Variants in CLSTN2 observed in about 807,000 individuals in gnomAD.
CLSTN2 encodes calsyntenin 2, also known as calsyntenin-2.
CLSTN2 carries 48 observed loss-of-function variants against 101.2 expected under a neutral mutation model. That is an observed-to-expected ratio of 0.47 (90% CI 0.38 to 0.60). CLSTN2 has a LOEUF of 0.60. CLSTN2 is among the 20% of genes least tolerant of loss of function. CLSTN2 has a pLI of 0.00. For missense variants in CLSTN2, 1,160 were observed against 1,238.2 expected (o/e 0.94, Z 0.95); for synonymous variants, 481 against 463.6 (o/e 1.04, Z -0.48).
intron 1 of CLSTN2, among the ~76,000 whole-genome samples, chr3:140,059,514 G>T (rs1440876799): frequency 2.6e-5 from 4 of 152,112 alleles, no homozygotes; most frequent in Non-Finnish European, 5.9e-5. Flanking sequence ...GGGTTCTGGG[G>T]GGCCATCAGA....
chr3:140,545,438 C>T (rs1287554686), intron 9 of CLSTN2, among the ~76,000 whole-genome samples: 3 of 152,006 alleles, frequency 2.0e-5, no homozygotes, highest in Non-Finnish European at 4.4e-5. Context: ...AGAAGTGTGC[C>T]CTAGGAGCAA....
At chr3:140,136,089 T>A (rs1382584362) in intron 1 of CLSTN2, among the ~76,000 whole-genome samples, 4 of 152,202 alleles carry the variant, frequency 2.6e-5, no homozygotes, top group African/African-American at 9.6e-5. Context: ...AGGCTGATTA[T>A]GCCTATCAGC....
At chr3:140,247,622 G>C (rs2086528527) in intron 2 of CLSTN2, among the ~76,000 whole-genome samples, 1 of 152,182 alleles carries the variant, frequency 6.6e-6, no homozygotes, top group Non-Finnish European at 1.5e-5. Flanking sequence ...TCTGTCCCCT[G>C]ATGGCCTTGG....
At chr3:140,168,828 T>G (rs1189146503) in intron 1 of CLSTN2, among the ~76,000 whole-genome samples, 1 of 152,160 alleles carries the variant, frequency 6.6e-6, no homozygotes, top group Non-Finnish European at 1.5e-5. Context: ...ATTTCTGGAC[T>G]GTTTCTTCTT....
At chr3:140,057,289 T>C (rs1306379792) in intron 1 of CLSTN2, among the ~76,000 whole-genome samples, 2 of 152,228 alleles carry the variant, frequency 1.3e-5, no homozygotes, top group African/African-American at 4.8e-5. Flanking sequence ...GCCATTCTAC[T>C]GATGCCAGGT....
intron 2 of CLSTN2, among the ~76,000 whole-genome samples, chr3:140,239,759 G>A (rs567223457): frequency 1.1e-4 from 17 of 151,994 alleles, no homozygotes; most frequent in East Asian, 5.8e-4. Context: ...TTACAACTAC[G>A]TCATGACTAT....
chr3:140,430,841 G>C (rs2088621421), intron 5 of CLSTN2, among the ~76,000 whole-genome samples: 1 of 152,186 alleles, frequency 6.6e-6, no homozygotes, highest in Admixed American at 6.5e-5. Flanking sequence ...AAAACTTAGA[G>C]AGATTGACTG....
In CLSTN2 at chr3:140,403,620, C is replaced by A; in HGVS notation, c.233-9C>A. On this transcript the variant is annotated splice_polypyrimidine_tract_variant and intron_variant, in intron 2 of 16. Transcript: ENST00000458420. ...GGATTCCCACTCACTGTTTTCCATC[C>A]TTCTGCAGGGGAAATCTGTGCGTTC... 6.3e-7 allele frequency: 1 copy of A among 1,599,206 alleles called. No homozygotes were observed. Among genetic ancestry groups the A allele is most frequent in the Non-Finnish European group, 8.5e-7 (1 of 1,171,450 alleles).
intron 1 of CLSTN2, among the ~76,000 whole-genome samples, chr3:140,067,958 G>A (rs546224640): frequency 3.6e-4 from 55 of 152,338 alleles, no homozygotes; most frequent in African/African-American, 9.1e-4. Flanking sequence ...TTGGCACTGC[G>A]TGTACGAGAC....
intron 2 of CLSTN2, among the ~76,000 whole-genome samples, chr3:140,208,614 T>A (rs1390781005): frequency 6.6e-6 from 1 of 152,202 alleles, no homozygotes; most frequent in Non-Finnish European, 1.5e-5. Flanking sequence ...CTCATTTTAT[T>A]TTTTGCATCC....
intron 2 of CLSTN2, among the ~76,000 whole-genome samples, chr3:140,315,285 A>G (rs188538584): frequency 2.0e-3 from 305 of 152,328 alleles, no homozygotes; most frequent in Middle Eastern, 0.014. Context: ...CCAAAAGTCC[A>G]GTTATGCACA....
chr3:139,974,864 G>T (rs1485876871), intron 1 of CLSTN2, among the ~76,000 whole-genome samples: 2 of 152,198 alleles, frequency 1.3e-5, no homozygotes, highest in African/African-American at 4.8e-5. Flanking sequence ...CCCTGGCCCT[G>T]TACAGAGGTC....
At chr3:140,362,608 A>G (rs1047235111) in intron 2 of CLSTN2, among the ~76,000 whole-genome samples, 6 of 152,172 alleles carry the variant, frequency 3.9e-5, no homozygotes, top group African/African-American at 1.4e-4. Flanking sequence ...AACTCTTACA[A>G]TTTAATAATA....
chr3:140,336,083 G>A (rs2087437340), intron 2 of CLSTN2, among the ~76,000 whole-genome samples: 1 of 152,318 alleles, frequency 6.6e-6, no homozygotes, highest in East Asian at 1.9e-4. Flanking sequence ...TTACTGCTCT[G>A]TTGATTACTG....
At chr3:140,537,982 C>T (rs914823882) in intron 9 of CLSTN2, among the ~76,000 whole-genome samples, 2 of 151,898 alleles carry the variant, frequency 1.3e-5, no homozygotes, top group Admixed American at 6.6e-5. Context: ...CATCTCTCCC[C>T]GTGCCATGAC....
chr3:140,446,134 C>T (rs1469255162), intron 5 of CLSTN2, among the ~76,000 whole-genome samples: 1 of 152,144 alleles, frequency 6.6e-6, no homozygotes, highest in Non-Finnish European at 1.5e-5. Context: ...GGCACTATGA[C>T]TTTAGATACA....
rs989123635 is a variant in CLSTN2 at position 140,569,316 on chromosome 3, C to G, written c.*3063C>G. 6.6e-6 allele frequency: 1 copy of G among 152,232 alleles called. No homozygotes were observed. The highest frequency in any genetic ancestry group is 1.5e-5 in the Non-Finnish European group (1 of 68,062). 9.4% of individuals were successfully genotyped at this position (152,232 alleles called of 1,614,324 possible). ...TGAGATGTTGGCAGCCAGGCAGATG[C>G]AGGCTCATGTCCAGGAGGAACTGCT... On this transcript the variant is annotated 3_prime_UTR_variant, in exon 17 of 17. Transcript: ENST00000458420.
At chr3:140,192,150 T>C (rs2010575287) in intron 2 of CLSTN2, among the ~76,000 whole-genome samples, 1 of 151,982 alleles carries the variant, frequency 6.6e-6, no homozygotes, top group African/African-American at 2.4e-5. Context: ...CTCTCTATTA[T>C]TGATTTCTAG....
intron 8 of CLSTN2, among the ~76,000 whole-genome samples, chr3:140,500,203 ATCTTT>A (rs1934550120): frequency 6.6e-6 from 1 of 152,192 alleles, no homozygotes; most frequent in Non-Finnish European, 1.5e-5. Flanking sequence ...GGAAACAAGT[ATCTTT>A]TCTTTTGTCC....
Sources: gnomAD v4.1 joint callset for allele counts (sites outside exome capture counted in the v4.1 genomes callset) on GRCh38, gnomAD v4.1.1 for gene constraint, MANE v1.5 for transcripts, NCBI Gene and HGNC (gene_info 2026-07-23, HGNC 2026-07-21) for gene names.